SYT17: variants seen among roughly 807,000 people sequenced by gnomAD.
The protein encoded by SYT17 is synaptotagmin 17, also known as synaptotagmin-17.
In SYT17, 22 loss-of-function variants were observed where a neutral mutation model predicts 46.7. That is an observed-to-expected ratio of 0.47 (90% CI 0.34 to 0.67). SYT17 has a LOEUF of 0.67. Among genes scored for constraint, SYT17 ranks in the 30% least tolerant of loss-of-function variants. The pLI, the probability that SYT17 is intolerant of heterozygous loss-of-function variation, is 0.01. For missense variants in SYT17, 519 were observed against 612.8 expected (o/e 0.85, Z 1.62); for synonymous variants, 251 against 248.4 (o/e 1.01, Z -0.10).
intron 7 of SYT17, among the ~76,000 whole-genome samples, chr16:19,240,720 T>A (rs982528394): frequency 6.6e-6 from 1 of 152,226 alleles, no homozygotes; most frequent in African/African-American, 2.4e-5. Flanking sequence ...CCTGTCTGTC[T>A]CCTGCTGCTC....
intron 7 of SYT17, among the ~76,000 whole-genome samples, chr16:19,232,949 A>G (rs1257559640): frequency 6.6e-6 from 1 of 152,150 alleles, no homozygotes; most frequent in Admixed American, 6.5e-5. Context: ...GGGACTTTAA[A>G]AAAACTCTGA....
rs116943930 is a variant in SYT17, at chr16:19,209,138, G to T, written c.952-13907G>T. Among the ~76,000 whole-genome samples, 790 of 151,778 alleles carry T rather than the reference G, an allele frequency of 5.2e-3. 13 individuals carry two copies. The highest frequency in any genetic ancestry group is 0.01 in the Middle Eastern group (3 of 294). On this transcript the variant is annotated intron_variant, in intron 5 of 7. Transcript: ENST00000355377. ...CCTGCCTCAGCCTCTTAAAGTGATG[G>T]GATTACAGGCGCGAGCCACTGCACC...
At chr16:19,177,057 A>G (rs974072898) in intron 3 of SYT17, among the ~76,000 whole-genome samples, 1 of 152,078 alleles carries the variant, frequency 6.6e-6, no homozygotes, top group Non-Finnish European at 1.5e-5. Flanking sequence ...CCAAATGTTG[A>G]GTGTTACAGA....
intron 5 of SYT17, among the ~76,000 whole-genome samples, chr16:19,191,945 C>T (rs956824744): frequency 6.6e-6 from 1 of 152,104 alleles, no homozygotes; most frequent in Admixed American, 6.6e-5. Context: ...CCACCACACC[C>T]AGTTAATTTT....
intron 5 of SYT17, among the ~76,000 whole-genome samples, chr16:19,220,303 C>CTTTTTTTTT (rs1555459738): frequency 0.049 from 3,955 of 80,412 alleles, 673 homozygotes; most frequent in African/African-American, 0.19. Context: ...TTCTTTCTTT[C>CTTTTTTTTT]TTTTTTTTTT....
intron 7 of SYT17, among the ~76,000 whole-genome samples, chr16:19,263,936 A>G (rs1411169616): frequency 6.6e-6 from 1 of 152,158 alleles, no homozygotes; most frequent in Admixed American, 6.5e-5. Flanking sequence ...CCAAATTTGT[A>G]TGTTGAATTC....
At chr16:19,206,768 C>T (rs912223703) in intron 5 of SYT17, among the ~76,000 whole-genome samples, 1 of 152,146 alleles carries the variant, frequency 6.6e-6, no homozygotes, top group African/African-American at 2.4e-5. Context: ...TGTTTCTTCT[C>T]CCCATTTCAT....
intron 7 of SYT17, among the ~76,000 whole-genome samples, chr16:19,252,944 C>A (rs1191354920): frequency 6.6e-6 from 1 of 152,096 alleles, no homozygotes; most frequent in East Asian, 1.9e-4. Context: ...GACTGCTGAG[C>A]CCCTGCCCAA....
At chr16:19,213,996 A>AG (rs1469571425) in intron 5 of SYT17, among the ~76,000 whole-genome samples, 3 of 152,124 alleles carry the variant, frequency 2.0e-5, no homozygotes, top group Admixed American at 2.0e-4. Flanking sequence ...TTCCTTGTTG[A>AG]GGGGGGCTGT....
chr16:19,214,475 T>G (rs1966016756), intron 5 of SYT17, among the ~76,000 whole-genome samples: 1 of 152,112 alleles, frequency 6.6e-6, no homozygotes, highest in African/African-American at 2.4e-5. Context: ...TCTTGGATTA[T>G]AGGCATGAGC....
intron 4 of SYT17, among the ~76,000 whole-genome samples, chr16:19,181,007 TG>T (rs1329780189): frequency 1.3e-5 from 2 of 151,966 alleles, no homozygotes; most frequent in African/African-American, 4.8e-5. Context: ...TAGGGCAGGG[TG>T]GGGACTTCGG....
intron 7 of SYT17, among the ~76,000 whole-genome samples, chr16:19,241,157 C>T (rs961270179): frequency 1.1e-4 from 16 of 151,822 alleles, no homozygotes; most frequent in South Asian, 4.2e-4. Context: ...CCGTTTTAGC[C>T]GGGATGGTCT....
intron 5 of SYT17, among the ~76,000 whole-genome samples, chr16:19,204,077 C>G (rs1965573373): frequency 6.6e-6 from 1 of 152,168 alleles, no homozygotes; most frequent in Admixed American, 6.5e-5. Flanking sequence ...GTTTCTGGAG[C>G]AGAGTACGAG....
chr16:19,183,402 T>C lies in SYT17; in HGVS notation c.332-126T>C. ...CACAGAATCAGTGAGTATTTCAGAG[T>C]GTGGAGAAAGATGGCAAAGGTCATT... is the stretch of plus-strand genomic sequence containing the variant. On this transcript the variant is annotated intron_variant, in intron 4 of 7. Transcript: ENST00000355377. This position sits in a 1 kb window ranked among gnomAD's most constrained non-coding sequence, Gnocchi z 5.6. The C allele has an allele frequency of 7.6e-7, 1 of 1,308,522 alleles. No individual in the cohort carries two copies. The highest frequency in any genetic ancestry group is 1.4e-5 in the South Asian group (1 of 71,872). The allele number at this position is 1,308,522 out of a possible 1,614,324, so 81.1% of individuals were successfully genotyped here.
In SYT17 at chr16:19,267,296, A is replaced by C; in HGVS notation, c.*220A>C. On this transcript the variant is annotated 3_prime_UTR_variant, in exon 8 of 8. Coordinates refer to ENST00000355377, the MANE Select transcript of SYT17 (RefSeq NM_016524.4). ...GCCCTCAGTTGAGTGAGGCCTAGGA[A>C]CTTTCCGGAAGCCCCATCCATAGAT... The C allele has an allele frequency of 2.2e-6, 1 of 455,200 alleles. No individual in the cohort carries two copies. The highest frequency in any genetic ancestry group is 3.9e-5 in the South Asian group (1 of 25,722). The allele number at this position is 455,200 out of a possible 1,614,324, so 28.2% of individuals were successfully genotyped here. A position where few individuals can be genotyped will look rare whatever the true frequency, so the allele number is the denominator to read the frequency against.
intron 6 of SYT17, among the ~76,000 whole-genome samples, 175 bp from the exon 7 acceptor site, chr16:19,224,508 G>A (rs1346269022): frequency 6.6e-6 from 1 of 152,136 alleles, no homozygotes; most frequent in African/African-American, 2.4e-5. Flanking sequence ...TGGATGGATG[G>A]ATAAACAGGT....
chr16:19,204,794 C>G (rs1220586939), intron 5 of SYT17, among the ~76,000 whole-genome samples: 1 of 152,080 alleles, frequency 6.6e-6, no homozygotes, highest in Non-Finnish European at 1.5e-5. Context: ...TTGAGGGCAG[C>G]TTTGGAAACA....
rs145228676 is a variant in SYT17 at position 19,187,238 on chromosome 16, C to T, written c.951+3091C>T. ...ATACATTTTGCAGAGATGGGGATTT[C>T]GCTATGTTGCCTAGGCTGGTCTCCA... On this transcript the variant is annotated intron_variant, in intron 5 of 7. Coordinates refer to ENST00000355377, the MANE Select transcript of SYT17 (RefSeq NM_016524.4). Among the ~76,000 whole-genome samples the T allele has an allele frequency of 8.6e-3, 1,303 of 152,154 alleles. 17 individuals are homozygous for T. The highest frequency in any genetic ancestry group is 0.03 in the African/African-American group (1,230 of 41,506).
chr16:19,182,524 G>A (rs957729512), intron 4 of SYT17, among the ~76,000 whole-genome samples: 10 of 152,196 alleles, frequency 6.6e-5, no homozygotes, highest in Admixed American at 1.3e-4. Context: ...TCTGGCTTGC[G>A]TTATCTTTCT....
Sources: allele counts gnomAD v4.1 joint callset (sites outside exome capture counted in the v4.1 genomes callset), GRCh38; gene constraint gnomAD v4.1.1; non-coding constraint Gnocchi (gnomAD v3.1); transcripts MANE v1.5; gene names NCBI Gene and HGNC (gene_info 2026-07-23, HGNC 2026-07-21).